RBFOX1: variants seen among roughly 807,000 people sequenced by gnomAD.
RBFOX1 encodes the protein RNA binding protein fox-1 homolog 1.
A neutral mutation model predicts 57.7 loss-of-function variants in RBFOX1; 8 were observed. The observed-to-expected ratio is 0.14, with a 90% CI of 0.08 to 0.25. The LOEUF is 0.25. Among genes scored for constraint, RBFOX1 ranks in the 10% least tolerant of loss-of-function variants. RBFOX1 has a pLI of 1.00. For missense variants in RBFOX1, 611 were observed against 548.5 expected, an observed-to-expected ratio of 1.11 and a Z score of -1.14; for synonymous variants, 326 against 222.4, an observed-to-expected ratio of 1.47 and a Z score of -4.15.
intron 2 of RBFOX1, among the ~76,000 whole-genome samples, chr16:6,487,797 A>G (rs1451128814): frequency 1.4e-5 from 2 of 141,764 alleles, no homozygotes; most frequent in Non-Finnish European, 3.0e-5. Flanking sequence ...CTTTTTCTCT[A>G]TTCCTAAAGT....
chr16:6,571,489 G>T (rs1002963792), intron 2 of RBFOX1, among the ~76,000 whole-genome samples: 1 of 152,138 alleles, frequency 6.6e-6, no homozygotes, highest in Admixed American at 6.5e-5. Flanking sequence ...TTCCTGATTT[G>T]AGTTTTTCTA....
Position 7,332,989 on chromosome 16 carries a change from C to G in RBFOX1, c.28-185158C>G, listed in dbSNP as rs777529405. ...TGTTGAGCTTCAGAGGGAATAATAA[C>G]TCTACGTAAAGCATGCTGGCGTCTC... On this transcript the variant is annotated intron_variant, in intron 4 of 15. Transcript: ENST00000550418. 6.8e-6 allele frequency: 11 copies of G among 1,613,388 alleles called. No homozygotes were observed. The South Asian group carries it at 9.9e-5, about 14-fold the overall frequency.
chr16:6,310,708 A>G (rs1270336124), intron 1 of RBFOX1, among the ~76,000 whole-genome samples: 1 of 152,220 alleles, frequency 6.6e-6, no homozygotes. Flanking sequence ...ATGACTGGGC[A>G]CAGCCTGGTG....
At chr16:5,480,589 C>T (rs1227770765) in intron 2 of RBFOX1, among the ~76,000 whole-genome samples, 1 of 152,196 alleles carries the variant, frequency 6.6e-6, no homozygotes, top group Non-Finnish European at 1.5e-5. Context: ...ATTTTAGTTC[C>T]CAATGGCTTT....
chr16:7,427,497 G>T (rs1161936996), intron 4 of RBFOX1, among the ~76,000 whole-genome samples: 1 of 151,990 alleles, frequency 6.6e-6, no homozygotes, highest in East Asian at 1.9e-4. Context: ...AGCTCTCCCA[G>T]TGCAGAAGAA....
At position 6,042,179 on chromosome 16, in the gene RBFOX1, C is replaced by T. The variant is rs368532268; in HGVS notation, c.-127+22187C>T. 2.0e-5 allele frequency among the ~76,000 whole-genome samples: 3 copies of T among 151,626 alleles called. No homozygotes were observed. The South Asian group carries it at 6.2e-4, about 32-fold the overall frequency. On this transcript the variant is annotated intron_variant, in intron 1 of 15. Transcript: ENST00000550418. ...GCAGTGGTGCCATCTCGGCTGACTG[C>T]AACTTCTGCCTCCCAAGTTCAAGTG...
At chr16:6,684,190 C>T (rs992349858) in intron 3 of RBFOX1, among the ~76,000 whole-genome samples, 2 of 152,126 alleles carry the variant, frequency 1.3e-5, no homozygotes, top group East Asian at 1.9e-4. Flanking sequence ...CAAGGATGTA[C>T]GCAAATGTTT....
At chr16:5,973,382 T>C (rs1403490135) in intron 4 of RBFOX1, among the ~76,000 whole-genome samples, 1 of 152,230 alleles carries the variant, frequency 6.6e-6, no homozygotes, top group Non-Finnish European at 1.5e-5. Flanking sequence ...TCTGACATTG[T>C]TTCCTTCAAA....
chr16:6,284,344 A>G (rs564219819), intron 1 of RBFOX1, among the ~76,000 whole-genome samples: 1 of 152,268 alleles, frequency 6.6e-6, no homozygotes, highest in African/African-American at 2.4e-5. Flanking sequence ...TACCTAAACC[A>G]AATCCCAATG....
intron 3 of RBFOX1, among the ~76,000 whole-genome samples, chr16:6,938,846 C>T (rs1225712439): frequency 2.0e-5 from 3 of 152,138 alleles, no homozygotes; most frequent in Admixed American, 6.5e-5. Flanking sequence ...GCAGGAGAAT[C>T]ACTTGAACCT....
chr16:6,844,616 T>G (rs1227601990), intron 3 of RBFOX1, among the ~76,000 whole-genome samples: 2 of 152,182 alleles, frequency 1.3e-5, no homozygotes, highest in Admixed American at 6.6e-5. Flanking sequence ...GTCCTTGTCT[T>G]TGCTATCGTG....
intron 1 of RBFOX1, among the ~76,000 whole-genome samples, chr16:5,281,771 T>A (rs2063276900): frequency 6.6e-6 from 1 of 152,244 alleles, no homozygotes; most frequent in Admixed American, 6.5e-5. Context: ...TCTGTTTGTG[T>A]GGTATATCTT....
intron 1 of RBFOX1, among the ~76,000 whole-genome samples, chr16:5,401,854 T>C (rs1435130715): frequency 6.6e-6 from 1 of 151,926 alleles, no homozygotes; most frequent in Non-Finnish European, 1.5e-5. Flanking sequence ...TCTGTCTCTG[T>C]CTCTCGTCAT....
intron 3 of RBFOX1, among the ~76,000 whole-genome samples, chr16:6,859,137 A>G (rs1268895298): frequency 9.7e-6 from 1 of 102,950 alleles, no homozygotes; most frequent in African/African-American, 4.4e-5. Flanking sequence ...ATACATATAT[A>G]TACGTATATA....
intron 1 of RBFOX1, among the ~76,000 whole-genome samples, chr16:6,244,558 C>T (rs888351667): frequency 6.6e-6 from 1 of 152,186 alleles, no homozygotes; most frequent in African/African-American, 2.4e-5. Flanking sequence ...GGCTGGAGTG[C>T]AGTGGTGCGA....
At chr16:6,939,519 T>TTTA (rs756218689) in intron 3 of RBFOX1, among the ~76,000 whole-genome samples, 1 of 151,700 alleles carries the variant, frequency 6.6e-6, no homozygotes. Flanking sequence ...TTTTTTTTTT[T>TTTA]CTTTTTTTTG....
At chr16:5,776,945 T>G (rs562641538) in intron 3 of RBFOX1, among the ~76,000 whole-genome samples, 3 of 152,222 alleles carry the variant, frequency 2.0e-5, no homozygotes, top group Non-Finnish European at 4.4e-5. Flanking sequence ...ACTCTGGAAT[T>G]GAATTTTAAA....
chr16:5,637,697 G>A (rs1215451190), intron 3 of RBFOX1, among the ~76,000 whole-genome samples: 1 of 152,186 alleles, frequency 6.6e-6, no homozygotes, highest in Admixed American at 6.5e-5. Flanking sequence ...CAGGGAGGCA[G>A]ATGGGGAAGG....
intron 6 of RBFOX1, among the ~76,000 whole-genome samples, chr16:7,583,038 C>A (rs947102039): frequency 2.0e-5 from 3 of 152,150 alleles, no homozygotes; most frequent in African/African-American, 7.2e-5. Flanking sequence ...TTCAGCACAT[C>A]ATGAAGATTG....
Sources: allele counts gnomAD v4.1 joint callset (sites outside exome capture counted in the v4.1 genomes callset), GRCh38; gene constraint gnomAD v4.1.1; transcripts MANE v1.5; gene names NCBI Gene and HGNC (gene_info 2026-07-23, HGNC 2026-07-21).